AGBL3: variants seen among roughly 807,000 people sequenced by gnomAD.
AGBL3 encodes AGBL carboxypeptidase 3, also known as cytosolic carboxypeptidase 3.
In AGBL3, 68 loss-of-function variants were observed where a neutral mutation model predicts 94.5. The observed-to-expected ratio is 0.72, with a 90% confidence interval of 0.59 to 0.88. The LOEUF is 0.88. AGBL3 is among the 40% of genes least tolerant of loss of function. The probability of loss-of-function intolerance (pLI) is 0.00; values close to 1 mark genes in which losing one functional copy is unlikely to be tolerated. For synonymous variants in AGBL3, 354 were observed against 370.7 expected (o/e 0.95, Z 0.52); for missense variants, 934 against 1,103.8 (o/e 0.85, Z 2.18).
intron 5 of AGBL3, among the ~76,000 whole-genome samples, chr7:135,022,169 T>C (rs574907596): frequency 1.3e-5 from 2 of 152,342 alleles, no homozygotes; most frequent in East Asian, 3.9e-4. Context: ...TTATATTCCT[T>C]TGGGTATATA....
intron 15 of AGBL3, among the ~76,000 whole-genome samples, chr7:135,112,324 C>T (rs1585185876): frequency 6.6e-6 from 1 of 152,290 alleles, no homozygotes; most frequent in Middle Eastern, 3.4e-3. Context: ...TTCAATGTCC[C>T]CCTGTTTCAT....
chr7:135,094,397 G>A (rs768931831), intron 15 of AGBL3: 1 of 456,590 alleles, frequency 2.2e-6, no homozygotes, highest in East Asian at 6.9e-5. Context: ...GAAGCTGCTA[G>A]AATCATAAAC....
intron 5 of AGBL3, among the ~76,000 whole-genome samples, chr7:135,024,089 C>A (rs1299547692): frequency 6.6e-6 from 1 of 152,128 alleles, no homozygotes; most frequent in Non-Finnish European, 1.5e-5. Flanking sequence ...AACAAAGGAA[C>A]AGGGCACACC....
chr7:135,037,329 T>C, intron 7 of AGBL3, 89 bp from the exon 8 acceptor site: 2 of 1,097,116 alleles, frequency 1.8e-6, no homozygotes, highest in Non-Finnish European at 1.2e-6. Flanking sequence ...ATTGTATTTA[T>C]TTGGATATTA....
intron 8 of AGBL3, among the ~76,000 whole-genome samples, chr7:135,038,577 C>A (rs1816529909): frequency 1.3e-5 from 2 of 152,212 alleles, no homozygotes; most frequent in African/African-American, 4.8e-5. Flanking sequence ...AACCACCACT[C>A]TGCAGCTTAA....
intron 4 of AGBL3, chr7:135,012,112 T>C (rs1024494627): frequency 3.3e-5 from 5 of 152,184 alleles, no homozygotes; most frequent in African/African-American, 1.2e-4. Flanking sequence ...ACAATGTGGA[T>C]TGATTTCATG....
chr7:135,020,640 CAA>C (rs1306880407), intron 5 of AGBL3, among the ~76,000 whole-genome samples: 12 of 152,088 alleles, frequency 7.9e-5, no homozygotes, highest in Non-Finnish European at 1.8e-4. Context: ...TTCACAATAG[CAA>C]AGTCTTGGAA....
intron 15 of AGBL3, among the ~76,000 whole-genome samples, chr7:135,096,584 C>CATAGATAGATAGATAGATAG (rs71172496): frequency 0.017 from 1,463 of 88,584 alleles, 24 homozygotes; most frequent in East Asian, 0.033. Flanking sequence ...TAGATAGATA[C>CATAGATAGATAGATAGATAG]ATAGATAGAT....
intron 5 of AGBL3, among the ~76,000 whole-genome samples, chr7:135,021,065 A>AGAG (rs71172491): frequency 3.3e-5 from 5 of 150,754 alleles, no homozygotes; most frequent in African/African-American, 1.2e-4. Context: ...AAAAAAAAAA[A>AGAG]AAGACTATCC....
chr7:135,038,687 C>G (rs756949579), intron 8 of AGBL3, among the ~76,000 whole-genome samples: 7 of 152,158 alleles, frequency 4.6e-5, no homozygotes, highest in Non-Finnish European at 1.0e-4. Flanking sequence ...TTGGGCCAGA[C>G]GTGGTGGCTC....
chr7:135,128,885 A>G (rs1396055825), intron 16 of AGBL3: 4 of 1,374,742 alleles, frequency 2.9e-6, no homozygotes, highest in South Asian at 2.3e-5. Flanking sequence ...ACTTTGATCA[A>G]GCTCAGCAGA....
At chr7:135,126,027 T>C (rs1174789941) in intron 16 of AGBL3, among the ~76,000 whole-genome samples, 2 of 152,052 alleles carry the variant, frequency 1.3e-5, no homozygotes, top group Admixed American at 1.3e-4. Flanking sequence ...CAACATAGTA[T>C]TGGAAGCTCT....
chr7:135,034,067 C>A, intron 6 of AGBL3, 82 bp from the exon 7 acceptor site: 2 of 1,214,714 alleles, frequency 1.6e-6, no homozygotes, highest in Admixed American at 3.5e-5. Context: ...CCTTATTTAA[C>A]TCAAAATTTT....
chr7:135,078,220 GAC>G (rs1479092601), intron 13 of AGBL3, among the ~76,000 whole-genome samples: 2 of 152,196 alleles, frequency 1.3e-5, no homozygotes, highest in African/African-American at 4.8e-5. Context: ...CAGGGAAAGA[GAC>G]AGAGAGCCCT....
At chr7:135,076,311 G>C in intron 12 of AGBL3, 86 bp from the exon 13 acceptor site, 1 of 1,026,132 alleles carries the variant, frequency 9.7e-7, no homozygotes, top group South Asian at 1.5e-5. Flanking sequence ...TCTTAGAAGT[G>C]GGAATCTCGA....
At chr7:135,080,878 A>G (rs972506480) in intron 14 of AGBL3, among the ~76,000 whole-genome samples, 3 of 150,170 alleles carry the variant, frequency 2.0e-5, no homozygotes, top group Non-Finnish European at 4.4e-5. Context: ...GTATATATAT[A>G]TATATTAATT....
intron 15 of AGBL3, among the ~76,000 whole-genome samples, chr7:135,104,762 T>C (rs1431489331): frequency 6.6e-6 from 1 of 151,596 alleles, no homozygotes; most frequent in African/African-American, 2.4e-5. Context: ...GCCCACTTTT[T>C]AATGGGGCTG....
At chr7:135,080,358 C>T in intron 14 of AGBL3, 98 bp downstream of exon 14, 1 of 882,756 alleles carries the variant, frequency 1.1e-6, no homozygotes. Flanking sequence ...GTGCTTGGTG[C>T]TAGGGATATT....
intron 12 of AGBL3, among the ~76,000 whole-genome samples, chr7:135,072,226 A>G (rs569240772): frequency 5.3e-5 from 8 of 152,324 alleles, no homozygotes; most frequent in East Asian, 1.9e-4. Flanking sequence ...ACCATCTCAC[A>G]CCAGTTAGAA....
Sources: allele counts gnomAD v4.1 joint callset (sites outside exome capture counted in the v4.1 genomes callset), GRCh38; gene constraint gnomAD v4.1.1; transcripts MANE v1.5; gene names NCBI Gene and HGNC (gene_info 2026-07-23, HGNC 2026-07-21).